GRID2IP: variants seen among roughly 807,000 people sequenced by gnomAD.
GRID2IP encodes the protein delphilin.
A neutral mutation model predicts 114.3 loss-of-function variants in GRID2IP; 78 were observed. That is an observed-to-expected ratio of 0.68 (90% CI 0.57 to 0.82). GRID2IP has a LOEUF of 0.82. Among genes scored for constraint, GRID2IP ranks in the 40% least tolerant of loss-of-function variants. The pLI, the probability that GRID2IP is intolerant of heterozygous loss-of-function variation, is 0.00. For missense variants in GRID2IP, 1,727 were observed against 1,678.5 expected (o/e 1.03, Z -0.51); for synonymous variants, 809 against 724.0 (o/e 1.12, Z -1.89).
rs1786582121 is a variant in GRID2IP, at chr7:6,506,219, T to C, written c.2545-312A>G. ...AAGAGGCTAGAGCCAAGTAAGGGGC[T>C]ACCGGAGGTGGCTCAGGGGTCTGGC... On this transcript the variant is annotated intron_variant, in intron 13 of 21. Coordinates refer to ENST00000457091, the MANE Select transcript of GRID2IP (RefSeq NM_001145118.2). This position sits in a 1 kb window ranked among gnomAD's most constrained non-coding sequence, Gnocchi z 5.2. Among the ~76,000 whole-genome samples, 1 of 152,222 alleles carries C rather than the reference T, an allele frequency of 6.6e-6. No individual in the cohort carries two copies. Among genetic ancestry groups the C allele is most frequent in the Admixed American group, 6.5e-5 (1 of 15,282 alleles).
intron 7 of GRID2IP, among the ~76,000 whole-genome samples, chr7:6,515,451 ACT>A (rs938008472): frequency 5.4e-5 from 8 of 148,286 alleles, no homozygotes; most frequent in Non-Finnish European, 1.0e-4. Flanking sequence ...ACAGAGCAAG[ACT>A]CTGTCTCAAA....
rs1779721151 is a variant in GRID2IP, at chr7:6,536,293, C to T, written c.584+3425G>A. 6.6e-6 allele frequency among the ~76,000 whole-genome samples: 1 copy of T among 152,214 alleles called. No individual in the cohort carries two copies. Among genetic ancestry groups the T allele is most frequent in the African/African-American group, 2.4e-5 (1 of 41,466 alleles). ...CCAGCAGCCTCCCCAGTTTTCCTGG[C>T]GCACTTGACACGCGCTTACAGCAGA... On this transcript the variant is annotated intron_variant, in intron 2 of 21. Coordinates refer to ENST00000457091, the MANE Select transcript of GRID2IP (RefSeq NM_001145118.2). The surrounding 1 kb of genome is among the most constrained non-coding windows in gnomAD (Gnocchi z 5.3).
chr7:6,512,424 T>C (rs745346532), intron 8 of GRID2IP, among the ~76,000 whole-genome samples: 7 of 151,688 alleles, frequency 4.6e-5, no homozygotes, highest in Non-Finnish European at 8.8e-5. Flanking sequence ...CAGGCTGGTC[T>C]CCAACTCCTG....
intron 7 of GRID2IP, among the ~76,000 whole-genome samples, chr7:6,518,752 T>G (rs929623166): frequency 1.3e-5 from 2 of 151,402 alleles, no homozygotes; most frequent in Non-Finnish European, 2.9e-5. Context: ...AAATAAAAAT[T>G]AAAAAAAAGA....
Position 6,514,487 on chromosome 7 carries a change from G to C in GRID2IP, c.1311C>G (p.Asp437Glu). 3.2e-6 allele frequency: 5 copies of C among 1,548,204 alleles called. No homozygotes were observed. Among genetic ancestry groups the C allele is most frequent in the Non-Finnish European group, 4.4e-6 (5 of 1,145,538 alleles). ...GCCACAGGACCTGCTTGGCAGGGGT[G>C]TCCAGCACAGGGTAGACGTCAACGA... Reference protein sequence around the residue: ...TLIVDVYPVLDTPAKQVLWQF... With the variant: ...TLIVDVYPVLETPAKQVLWQF... Residue 437 changes from aspartate (D) to glutamate (E), a missense_variant, in exon 8 of 22, where the codon GAC becomes GAG. Physicochemically the swap from Asp to Glu is conservative, Grantham distance 45 (BLOSUM62 2). Coordinates refer to ENST00000457091, the MANE Select transcript of GRID2IP (RefSeq NM_001145118.2).
chr7:6,503,793 G>A (rs1786489908), intron 15 of GRID2IP, 106 bp from the exon 16 acceptor site: 3 of 757,920 alleles, frequency 4.0e-6, no homozygotes, highest in South Asian at 2.0e-5. Context: ...GACACGGGGC[G>A]GGGCCTAGGG....
intron 8 of GRID2IP, 138 bp downstream of exon 8, chr7:6,514,237 G>A: frequency 2.4e-6 from 2 of 836,928 alleles, no homozygotes; most frequent in Non-Finnish European, 1.7e-6. Context: ...TGGGGCACAA[G>A]AGTGAGACTC....
Position 6,497,748 on chromosome 7 carries a change from C to A in GRID2IP, c.*26G>T, listed in dbSNP as rs1786295316. 2.6e-6 allele frequency: 4 copies of A among 1,532,438 alleles called. No homozygotes were observed. The East Asian group carries it at 9.8e-5, about 38-fold the overall frequency. The allele number at this position is 1,532,438 out of a possible 1,614,324, so 94.9% of individuals were successfully genotyped here. The stretch of plus-strand genomic sequence containing the variant: ...CTCGGCCTCCATCTCCCTGCTCAGG[C>A]CGCAGAGGACGCGGTGTGGCCACTG... On this transcript the variant is annotated 3_prime_UTR_variant, in exon 22 of 22. Transcript: ENST00000457091.
In GRID2IP at chr7:6,509,577, G is replaced by T. The variant is rs574564273; in HGVS notation, c.1772-264C>A. Among the ~76,000 whole-genome samples, 22 of 152,302 alleles carry T rather than the reference G, an allele frequency of 1.4e-4. No homozygotes were observed. The highest frequency in any genetic ancestry group is 6.5e-4 in the Admixed American group (10 of 15,304). ...GGAATGGTCACCAGGGGTCCCAGCT[G>T]GGAGCCACTGAACACCATTAACTCA... is the stretch of plus-strand genomic sequence containing the variant. On this transcript the variant is annotated intron_variant, in intron 11 of 21. Coordinates refer to ENST00000457091, the MANE Select transcript of GRID2IP (RefSeq NM_001145118.2). The surrounding 1 kb of genome is among the most constrained non-coding windows in gnomAD (Gnocchi z 4.9).
intron 15 of GRID2IP, 87 bp from the exon 16 acceptor site, chr7:6,503,774 G>T: frequency 2.0e-6 from 2 of 1,012,784 alleles, no homozygotes; most frequent in Non-Finnish European, 1.4e-6. Context: ...CAGAGGCGGG[G>T]AGAGGGCGGA....
intron 8 of GRID2IP, among the ~76,000 whole-genome samples, chr7:6,511,576 T>C (rs1425486545): frequency 6.6e-6 from 1 of 152,086 alleles, no homozygotes; most frequent in African/African-American, 2.4e-5. Flanking sequence ...TTTCAACATG[T>C]GGGCTAGGCT....
rs1228885021 is a variant in GRID2IP, at chr7:6,510,924, C to T, written c.1539G>A (p.Glu513=). ...CRRSLRSQGL[E]AGLSCGPSEC... ...CAGCCTTACCGCAGCTGAGGCCGGCCTCCAGGCCCTGGGACCGGAGGCTGC... is the reference window on the plus strand; with the variant it reads ...CAGCCTTACCGCAGCTGAGGCCGGCTTCCAGGCCCTGGGACCGGAGGCTGC... Residue 513 remains glutamate, a synonymous_variant, in exon 9 of 22, where the codon GAG becomes GAA. Coordinates refer to ENST00000457091, the MANE Select transcript of GRID2IP (RefSeq NM_001145118.2). 1.3e-6 allele frequency: 2 copies of T among 1,549,790 alleles called. No homozygotes were observed. The highest frequency in any genetic ancestry group is 1.2e-5 in the South Asian group (1 of 84,026).
chr7:6,550,194 CG>C (rs1176009711), intron 1 of GRID2IP, among the ~76,000 whole-genome samples: 2 of 151,900 alleles, frequency 1.3e-5, no homozygotes, highest in Admixed American at 1.3e-4. Flanking sequence ...TGTCTCATTA[CG>C]TTGCCCAGGC....
intron 20 of GRID2IP, among the ~76,000 whole-genome samples, chr7:6,500,218 C>T (rs1242630539): frequency 2.0e-5 from 3 of 150,896 alleles, no homozygotes; most frequent in African/African-American, 4.9e-5. Flanking sequence ...AATCCCAGCA[C>T]TTTGGGAGGC....
chr7:6,522,037 G>T, intron 4 of GRID2IP, 80 bp from the exon 5 acceptor site: 1 of 1,164,630 alleles, frequency 8.6e-7, no homozygotes, highest in Non-Finnish European at 1.3e-6. Flanking sequence ...TGTTTTACAG[G>T]CGAGAAATGG....
rs116207809 is a variant in GRID2IP at position 6,509,462 on chromosome 7, C to T, written c.1772-149G>A. The T allele has an allele frequency of 6.1e-3, 4,071 of 667,886 alleles. 128 individuals carry two copies. The African/African-American group carries it at 0.069, about 11-fold the overall frequency. 41.4% of individuals were successfully genotyped at this position (667,886 alleles called of 1,614,324 possible). On this transcript the variant is annotated intron_variant, in intron 11 of 21. Transcript: ENST00000457091. The surrounding 1 kb of genome is among the most constrained non-coding windows in gnomAD (Gnocchi z 4.9). The stretch of plus-strand genomic sequence containing the variant: ...GGGCACAGTGCAGGAAGACCTTGAG[C>T]GGCCCTGCCTTCCAAGCATGACTAA...
chr7:6,529,277 C>T (rs1779572104), intron 2 of GRID2IP, among the ~76,000 whole-genome samples: 1 of 152,060 alleles, frequency 6.6e-6, no homozygotes, highest in Non-Finnish European at 1.5e-5. Context: ...GTGGTGAAAC[C>T]CCATCTCTAC....
In GRID2IP at chr7:6,523,117, TTA is replaced by T. The variant is rs1378155267; in HGVS notation, c.920-1162_920-1161del. On this transcript the variant is annotated intron_variant, in intron 4 of 21. Coordinates refer to ENST00000457091, the MANE Select transcript of GRID2IP (RefSeq NM_001145118.2). This position sits in a 1 kb window ranked among gnomAD's most constrained non-coding sequence, Gnocchi z 4.5. ...CCACGTAGTCCTCTTTCTGCCTCTTTTATGAGTCATCATTCTAAATGTAATTT... is the reference window on the plus strand; with the variant it reads ...CCACGTAGTCCTCTTTCTGCCTCTTTTGAGTCATCATTCTAAATGTAATTT... Among the ~76,000 whole-genome samples, 1 of 152,108 alleles carries T rather than the reference TTA, an allele frequency of 6.6e-6. No individual in the cohort carries two copies. The highest frequency in any genetic ancestry group is 1.5e-5 in the Non-Finnish European group (1 of 68,024).
Position 6,501,881 on chromosome 7 carries a change from G to C in GRID2IP, c.3299C>G (p.Thr1100Ser). 6.4e-7 allele frequency: 1 copy of C among 1,551,562 alleles called. No individual in the cohort carries two copies. Among genetic ancestry groups the C allele is most frequent in the Non-Finnish European group, 8.7e-7 (1 of 1,146,984 alleles). The part of the protein sequence containing the change: ...LAAKVNQRAL[T>S]SDLADLHGTI... ...GCCATGGAGGTCAGCCAGGTCACTG[G>C]TCAGGGCCCGTTGGTTCACTGTAGG... is the stretch of plus-strand genomic sequence containing the variant. Residue 1100 changes from threonine to serine, a missense_variant, in exon 20 of 22, where the codon ACC becomes AGC. Transcript: ENST00000457091.
Sources: allele counts gnomAD v4.1 joint callset (sites outside exome capture counted in the v4.1 genomes callset), GRCh38; gene constraint gnomAD v4.1.1; non-coding constraint Gnocchi (gnomAD v3.1); transcripts MANE v1.5; gene names NCBI Gene and HGNC (gene_info 2026-07-23, HGNC 2026-07-21).